The following MYO19 variants were observed in gnomAD, a reference collection of about 807,000 sequenced individuals.
MYO19 encodes unconventional myosin-XIX.
MYO19 carries 132 observed loss-of-function variants against 129.2 expected under a neutral mutation model. The ratio of observed to expected loss-of-function variants is 1.02; its 90% CI spans 0.89 to 1.18. The LOEUF is 1.18. Ranked by LOEUF, MYO19 falls within the 50% of genes most tolerant of loss-of-function variation. MYO19 has a pLI of 0.00. For missense variants in MYO19, 1,210 were observed against 1,216.7 expected, an observed-to-expected ratio of 0.99 and a Z score of 0.08; for synonymous variants, 531 against 477.2, an observed-to-expected ratio of 1.11 and a Z score of -1.47.
At chr17:36,531,640 GCAGTCAACTGTTTTGCC>G (rs2073844232) in intron 3 of MYO19, among the ~76,000 whole-genome samples, 1 of 151,924 alleles carries the variant, frequency 6.6e-6, no homozygotes, top group African/African-American at 2.4e-5. Context: ...AAAGCCCAGA[GCAGTCAACTGTTTTGCC>G]CACTTCTTAC....
At chr17:36,513,174 T>C in intron 11 of MYO19, 1 of 1,417,002 alleles carries the variant, frequency 7.1e-7, no homozygotes, top group Non-Finnish European at 9.2e-7. Flanking sequence ...CCTTGCTCTC[T>C]GCCCCCATGG....
chr17:36,513,095 G>T, intron 11 of MYO19: 1 of 1,328,284 alleles, frequency 7.5e-7, no homozygotes, highest in Non-Finnish European at 9.7e-7. Flanking sequence ...GTGTGAACAT[G>T]ACTTGTAAGT....
chr17:36,515,538 C>T (rs192374974), intron 7 of MYO19, among the ~76,000 whole-genome samples: 1 of 152,310 alleles, frequency 6.6e-6, no homozygotes, highest in Admixed American at 6.5e-5. Context: ...CCTTGTATCC[C>T]TTAACAAGTA....
rs1384105082 is a variant in MYO19 at position 36,506,605 on chromosome 17, G to A, written c.1648C>T (p.Pro550Ser). The A allele has an allele frequency of 1.3e-6, 2 of 1,524,098 alleles. No homozygotes were observed. The highest frequency in any genetic ancestry group is 1.4e-5 in the African/African-American group (1 of 71,512). 94.4% of individuals were successfully genotyped at this position (1,524,098 alleles called of 1,614,324 possible). The change falls in exon 18 of 26, where the codon CCT becomes TCT. Residue 550 changes from proline to serine, a missense_variant. Pro to Ser is a moderately conservative substitution (Grantham distance 74). Coordinates refer to ENST00000614623, the MANE Select transcript of MYO19 (RefSeq NM_001163735.2). ...AGCCTGGTCAGCTCAGGTGGGATAGGGTCCTATTGGGAAATGGCAAGAGCA... is the reference window on the plus strand; with the variant it reads ...AGCCTGGTCAGCTCAGGTGGGATAGAGTCCTATTGGGAAATGGCAAGAGCA... ...TAGLVEKNKD[P>S]IPPELTRLLQ... is the part of the protein sequence containing the mutation.
At position 36,528,157 on chromosome 17, in the gene MYO19, G is replaced by A. The variant is rs1251686877; in HGVS notation, c.58C>T (p.Leu20Phe). ...PGSDGQAREYLREDLQEFLGG... is the reference protein window; with the variant it reads ...PGSDGQAREYFREDLQEFLGG... Reference sequence around the variant, plus strand: ...AGGAACTCCTGCAGGTCTTCTCTGAGGTACTCCCTGGCTTGGCCATCAGAC... The same window carrying A: ...AGGAACTCCTGCAGGTCTTCTCTGAAGTACTCCCTGGCTTGGCCATCAGAC... The change falls in exon 4 of 26, where the codon CTC becomes TTC. Residue 20 changes from leucine (L) to phenylalanine (F), a missense_variant. Leu to Phe is a conservative substitution (Grantham distance 22, BLOSUM62 0). Coordinates refer to ENST00000614623, the MANE Select transcript of MYO19 (RefSeq NM_001163735.2). The A allele has an allele frequency of 3.7e-6, 6 of 1,608,684 alleles. No homozygotes were observed. In the Admixed American group the frequency reaches 6.8e-5, roughly 18 times the overall value.
At chr17:36,535,460 G>C (rs1361919734), upstream of MYO19, 1 of 152,268 alleles carries the variant, frequency 6.6e-6, no homozygotes, top group Non-Finnish European at 1.5e-5. Context: ...GGAAGTGCCA[G>C]CTGCCTGCGT....
Position 36,507,045 on chromosome 17 carries a change from A to C in MYO19, c.1562T>G (p.Leu521Arg). Residue 521 changes from leucine (L) to arginine (R), a missense_variant, in exon 17 of 26, where the codon CTC (leucine) becomes CGC (arginine). Transcript: ENST00000614623. ...AGSPCLGHNK[L>R]SREPSFIVVH... The stretch of plus-strand genomic sequence containing the variant: ...CACAATGAAGCTGGGCTCCCGGCTG[A>C]GCTTATTGTGGCCCAGGCAGGGGCT... The C allele has an allele frequency of 6.2e-7, 1 of 1,613,628 alleles. No homozygotes were observed. Among genetic ancestry groups the C allele is most frequent in the South Asian group, 1.1e-5 (1 of 91,084 alleles).
intron 8 of MYO19, 97 bp from the exon 9 acceptor site, chr17:36,514,645 T>A (rs987889930): frequency 2.6e-6 from 2 of 780,714 alleles, no homozygotes; most frequent in African/African-American, 1.7e-5. Flanking sequence ...ACCTGGCAAC[T>A]CCCCGCCAAG....
At chr17:36,502,897 C>T in intron 21 of MYO19, 200 bp downstream of exon 21, 2 of 604,066 alleles carry the variant, frequency 3.3e-6, no homozygotes, top group Non-Finnish European at 5.9e-6. Context: ...CTAGCACCAC[C>T]CACAGCATCC....
upstream of MYO19, chr17:36,534,979 G>C (rs1246764360): frequency 1.3e-5 from 2 of 152,400 alleles, no homozygotes; most frequent in Non-Finnish European, 2.9e-5. Context: ...CCTAGGGGCG[G>C]GGCGAGCACT....
chr17:36,511,352 C>A lies in MYO19; in HGVS notation c.985+13G>T, dbSNP rs949526651. 2 of 1,567,200 alleles carry A rather than the reference C, an allele frequency of 1.3e-6. No individual in the cohort carries two copies. Among genetic ancestry groups the A allele is most frequent in the Non-Finnish European group, 1.7e-6 (2 of 1,155,926 alleles). ...CTGACAGGGCCTGCCCCATCCTACA[C>A]CCTGACCCTCACACTTGGCATCATC... On this transcript the variant is annotated intron_variant, in intron 12 of 25. Coordinates refer to ENST00000614623, the MANE Select transcript of MYO19 (RefSeq NM_001163735.2).
rs1273330295 is a variant in MYO19 at position 36,498,574 on chromosome 17, A to G, written c.2464-15T>C. ...GCCATTCTGATCTTAAAAAGCAAATATCCCTTTATAGCTTTAGATTTATCT... is the reference window on the plus strand; with the variant it reads ...GCCATTCTGATCTTAAAAAGCAAATGTCCCTTTATAGCTTTAGATTTATCT... On this transcript the variant is annotated splice_polypyrimidine_tract_variant and intron_variant, in intron 24 of 25. Coordinates refer to ENST00000614623, the MANE Select transcript of MYO19 (RefSeq NM_001163735.2). 6.9e-6 allele frequency: 11 copies of G among 1,601,974 alleles called. No homozygotes were observed. The highest frequency in any genetic ancestry group is 1.3e-5 in the African/African-American group (1 of 74,564).
intron 2 of MYO19, among the ~76,000 whole-genome samples, chr17:36,532,913 G>A (rs2073910433): frequency 6.6e-6 from 1 of 152,142 alleles, no homozygotes; most frequent in African/African-American, 2.4e-5. Flanking sequence ...GGTTGGGGTG[G>A]GGCTGCAAAC....
intron 15 of MYO19, 82 bp downstream of exon 15, chr17:36,507,721 G>A: frequency 6.8e-7 from 1 of 1,466,974 alleles, no homozygotes; most frequent in Non-Finnish European, 9.1e-7. Flanking sequence ...CTTCTAATCA[G>A]AACCTGGACT....
At chr17:36,538,235 T>C, upstream of MYO19, 1 of 1,613,214 alleles carries the variant, frequency 6.2e-7, no homozygotes, top group Non-Finnish European at 8.5e-7. Context: ...TTTGGATAGT[T>C]GCTTCTAGCC....
chr17:36,538,638 A>G, upstream of MYO19: 2 of 1,510,976 alleles, frequency 1.3e-6, no homozygotes, highest in South Asian at 2.4e-5. Flanking sequence ...AGGATATATA[A>G]GTATTTGGGC....
intron 18 of MYO19, 45 bp from the exon 19 acceptor site, chr17:36,505,449 C>G (rs774532631): frequency 6.8e-7 from 1 of 1,475,974 alleles, no homozygotes; most frequent in Non-Finnish European, 9.4e-7. Flanking sequence ...AGGGGCTGCC[C>G]AGGGCCATCA....
chr17:36,507,509 C>T lies in MYO19; in HGVS notation c.1357G>A (p.Glu453Lys), dbSNP rs1303333193. 6.2e-7 allele frequency: 1 copy of T among 1,613,262 alleles called. No individual in the cohort carries two copies. Among genetic ancestry groups the T allele is most frequent in the Admixed American group, 1.7e-5 (1 of 60,002 alleles). The change falls in exon 16 of 26, where the codon GAA (glutamate) becomes AAA (lysine). Residue 453 changes from glutamate to lysine, a missense_variant. By Grantham distance (56) the Glu-to-Lys change is moderately conservative (BLOSUM62 1). Transcript: ENST00000614623. The stretch of plus-strand genomic sequence containing the variant: ...CACTCCAGGCCCTCAACTGCGTATT[C>T]CTCCTAAAGAACAAGGTGGGATGAG... Reference protein sequence around the residue: ...VAHYLRAQQEEYAVEGLEWSF... With the variant: ...VAHYLRAQQEKYAVEGLEWSF...
chr17:36,542,647 CGA>C (rs2074202964), intron 1 of MYO19, among the ~76,000 whole-genome samples: 1 of 150,870 alleles, frequency 6.6e-6, no homozygotes, highest in African/African-American at 2.4e-5. Context: ...TGCAGTGAGC[CGA>C]GATAGCGCCA....
Sources: gnomAD v4.1 joint callset for allele counts (sites outside exome capture counted in the v4.1 genomes callset) on GRCh38, gnomAD v4.1.1 for gene constraint, MANE v1.5 for transcripts, NCBI Gene and HGNC (gene_info 2026-07-23, HGNC 2026-07-21) for gene names.